Variants in KLHDC8A observed in about 807,000 individuals in gnomAD.
The protein encoded by KLHDC8A is kelch domain containing 8A.
Under a neutral mutation model 33.1 loss-of-function variants are expected in KLHDC8A, and 21 were observed. The ratio of observed to expected loss-of-function variants is 0.64; its 90% CI spans 0.45 to 0.91. The LOEUF (loss-of-function observed/expected upper bound fraction) is 0.91. Ranked by LOEUF, KLHDC8A falls within the 40% of genes least tolerant of loss-of-function variation. The probability of loss-of-function intolerance (pLI) is 0.00; values close to 1 mark genes in which losing one functional copy is unlikely to be tolerated. For missense variants in KLHDC8A, 435 were observed against 483.3 expected, an observed-to-expected ratio of 0.90 and a Z score of 0.94; for synonymous variants, 173 against 193.5, an observed-to-expected ratio of 0.89 and a Z score of 0.88.
At chr1:205,346,331 C>G (rs1203992661) in intron 1 of KLHDC8A, among the ~76,000 whole-genome samples, 1 of 152,170 alleles carries the variant, frequency 6.6e-6, no homozygotes, top group Non-Finnish European at 1.5e-5. Flanking sequence ...TTCACAAAAT[C>G]AGAACAGGTG....
chr1:205,349,582 G>A (rs570672432), intron 1 of KLHDC8A, among the ~76,000 whole-genome samples: 8 of 152,346 alleles, frequency 5.3e-5, no homozygotes, highest in Admixed American at 2.0e-4. Context: ...TGTTTAGTGC[G>A]TGCGGGAAGG....
chr1:205,353,049 C>T (rs1663162625), intron 1 of KLHDC8A, among the ~76,000 whole-genome samples: 1 of 152,182 alleles, frequency 6.6e-6, no homozygotes, highest in South Asian at 2.1e-4. Flanking sequence ...CCTTGGATGC[C>T]ATCTCCCTGC....
chr1:205,339,785 C>A lies in KLHDC8A; in HGVS notation c.400G>T (p.Gly134Trp), dbSNP rs765665935. The A allele has an allele frequency of 6.2e-7, 1 of 1,613,686 alleles. No individual in the cohort carries two copies. The highest frequency in any genetic ancestry group is 8.5e-7 in the Non-Finnish European group (1 of 1,179,890). The stretch of plus-strand genomic sequence containing the variant: ...TGTGGACGTAGGTCCAGGCCCATCC[C>A]GCCTGCCGCATATACTCGGTAATCT... ...AKDYRVYAAG[G>W]MGLDLRPHNH... The change falls in exon 3 of 6, where the codon GGG (glycine) becomes TGG (tryptophan). Residue 134 changes from glycine to tryptophan, a missense_variant. By Grantham distance (184) the Gly-to-Trp change is radical. Transcript: ENST00000367155. The surrounding 1 kb of genome is among the most constrained non-coding windows in gnomAD (Gnocchi z 5.1).
chr1:205,351,968 C>T (rs1663125453), intron 1 of KLHDC8A, among the ~76,000 whole-genome samples: 1 of 152,000 alleles, frequency 6.6e-6, no homozygotes, highest in South Asian at 2.1e-4. Flanking sequence ...CCTTCCTTGC[C>T]TCCCTCCTAA....
At chr1:205,347,828 G>A (rs1574912741) in intron 1 of KLHDC8A, among the ~76,000 whole-genome samples, 1 of 152,328 alleles carries the variant, frequency 6.6e-6, no homozygotes. Flanking sequence ...CTTTGGTGCT[G>A]TGGAGTCTTT....
At position 205,343,415 on chromosome 1, in the gene KLHDC8A, G is replaced by A. The variant is rs760238750; in HGVS notation, c.190C>T (p.Arg64Trp). ...PEADQWTALP[R>W]LPTARAGVAV... ...ACCCCCGCCCGGGCTGTGGGCAGCC[G>A]GGGCAAGGCGGTCCACTGGTCGGCC... The change falls in exon 2 of 6, where the codon CGG becomes TGG. Residue 64 changes from arginine to tryptophan, a missense_variant. Arg to Trp is a moderately radical substitution (Grantham distance 101). Transcript: ENST00000367155. 5.0e-6 allele frequency: 8 copies of A among 1,613,058 alleles called. No homozygotes were observed. Among genetic ancestry groups the A allele is most frequent in the Admixed American group, 3.3e-5 (2 of 59,988 alleles).
rs1662631355 is a variant in KLHDC8A, at chr1:205,336,428, C to T, written c.*971G>A. On this transcript the variant is annotated 3_prime_UTR_variant, in exon 6 of 6. Coordinates refer to ENST00000367155, the MANE Select transcript of KLHDC8A (RefSeq NM_018203.3). ...GTAGTCACTGGGGGCCCTATTTAGC[C>T]TGAGAATGCAGGAGGGATTGTTTTA... 6.6e-6 allele frequency: 1 copy of T among 152,654 alleles called. No individual in the cohort carries two copies. The highest frequency in any genetic ancestry group is 1.5e-5 in the Non-Finnish European group (1 of 68,076). The allele number at this position is 152,654 out of a possible 1,614,324, so 9.5% of individuals were successfully genotyped here. A position where few individuals can be genotyped will look rare whatever the true frequency, so the allele number is the denominator to read the frequency against.
At chr1:205,353,385 G>A (rs1173136763) in intron 1 of KLHDC8A, among the ~76,000 whole-genome samples, 1 of 152,212 alleles carries the variant, frequency 6.6e-6, no homozygotes, top group Non-Finnish European at 1.5e-5. Context: ...CACTACAACA[G>A]CAGAATGGAG....
Position 205,354,321 on chromosome 1 carries a change from G to A in KLHDC8A, c.-190+2212C>T, listed in dbSNP as rs1663202764. ...AGAAAACCTCTTGAATGACTCTGAT[G>A]TAACTTTAGGTACTAATTACAAATT... On this transcript the variant is annotated intron_variant, in intron 1 of 5. Coordinates refer to ENST00000367155, the MANE Select transcript of KLHDC8A (RefSeq NM_018203.3). Among the ~76,000 whole-genome samples the A allele has an allele frequency of 3.9e-5, 6 of 152,314 alleles. 1 individual carries two copies. In the South Asian group the frequency reaches 1.2e-3, roughly 32 times the overall value.
At position 205,343,247 on chromosome 1, in the gene KLHDC8A, T is replaced by C. The variant is rs979656038; in HGVS notation, c.358A>G (p.Ile120Val). Residue 120 changes from isoleucine to valine, a missense_variant, in exon 2 of 6, where the codon ATT (isoleucine) becomes GTT (valine). Transcript: ENST00000367155. ...RSMLREAAMGISVTAKDYRVY... is the reference protein window; with the variant it reads ...RSMLREAAMGVSVTAKDYRVY... Reference sequence around the variant, plus strand: ...CACTTGCCTTTGGCCGTGACAGAAATGCCCATGGCGGCCTCACGCAGCATG... The same window carrying C: ...CACTTGCCTTTGGCCGTGACAGAAACGCCCATGGCGGCCTCACGCAGCATG... 33 of 1,592,648 alleles carry C rather than the reference T, an allele frequency of 2.1e-5. No homozygotes were observed. Among genetic ancestry groups the C allele is most frequent in the Non-Finnish European group, 2.7e-5 (32 of 1,164,960 alleles).
chr1:205,350,263 C>CT (rs138791480), intron 1 of KLHDC8A, among the ~76,000 whole-genome samples: 2,697 of 152,258 alleles, frequency 0.018, 66 homozygotes, highest in African/African-American at 0.055. Context: ...CTTGTGACAG[C>CT]TGCAGCTGTG....
rs1230866279 is a variant in KLHDC8A at position 205,346,520 on chromosome 1, T to C, written c.-189-2727A>G. Among the ~76,000 whole-genome samples the C allele has an allele frequency of 2.0e-5, 3 of 152,186 alleles. No individual in the cohort carries two copies. The East Asian group carries it at 5.8e-4, about 29-fold the overall frequency. ...ATAGACAGAGCTCCACTCTGTATGT[T>C]TTATTTGTGTCACTTGTTGAGATCA... is the stretch of plus-strand genomic sequence containing the variant. On this transcript the variant is annotated intron_variant, in intron 1 of 5. Transcript: ENST00000367155.
At position 205,343,395 on chromosome 1, in the gene KLHDC8A, C is replaced by CGG; in HGVS notation, c.209_210insCC (p.Gly71ArgfsTer14). 1.2e-6 allele frequency: 2 copies of CGG among 1,613,332 alleles called. No homozygotes were observed. The highest frequency in any genetic ancestry group is 1.7e-6 in the Non-Finnish European group (2 of 1,179,802). Reference sequence around the variant, plus strand: ...TCCCCAGGGCGGTGACGGCCACCCCCGCCCGGGCTGTGGGCAGCCGGGGCA... The same window carrying CGG: ...TCCCCAGGGCGGTGACGGCCACCCCCGGGCCCGGGCTGTGGGCAGCCGGGGCA... On this transcript the variant is annotated frameshift_variant, in exon 2 of 6. Coordinates refer to ENST00000367155, the MANE Select transcript of KLHDC8A (RefSeq NM_018203.3). LOFTEE classifies it high-confidence loss of function.
Position 205,343,300 on chromosome 1 carries a change from ATGT to A in KLHDC8A, c.302_304del (p.Asn101del), listed in dbSNP as rs749973547. The A allele has an allele frequency of 1.9e-6, 3 of 1,613,198 alleles. No individual in the cohort carries two copies. Among genetic ancestry groups the A allele is most frequent in the Middle Eastern group, 3.3e-4 (2 of 6,058 alleles). ...CCTCTTCTTCCACTTGCCCTCATCG[ATGT>A]TGTACATCTCCACGACCTTCAGGGG... On this transcript the variant is annotated inframe_deletion, in exon 2 of 6. Transcript: ENST00000367155.
chr1:205,356,563 C>A lies in KLHDC8A; in HGVS notation c.-220G>T. 1 of 456,272 alleles carries A rather than the reference C, an allele frequency of 2.2e-6. No homozygotes were observed. The highest frequency in any genetic ancestry group is 1.5e-5 in the South Asian group (1 of 64,558). 28.3% of individuals were successfully genotyped at this position (456,272 alleles called of 1,614,324 possible). The stretch of plus-strand genomic sequence containing the variant: ...TGGAGGGAAAAGGATCGACACCCGG[C>A]GATCATCTGCAAAAGACAAAGAAGG... On this transcript the variant is annotated 5_prime_UTR_variant, in exon 1 of 6. Transcript: ENST00000367155.
At chr1:205,338,443 C>G in intron 5 of KLHDC8A, 52 bp downstream of exon 5, 3 of 1,379,650 alleles carry the variant, frequency 2.2e-6, no homozygotes, top group Non-Finnish European at 3.1e-6. Flanking sequence ...TGCCAAGGAT[C>G]CACTGAGCAC....
chr1:205,337,656 C>T (rs1662673461), intron 5 of KLHDC8A, 64 bp from the exon 6 acceptor site: 1 of 1,244,886 alleles, frequency 8.0e-7, no homozygotes, highest in African/African-American at 1.5e-5. Flanking sequence ...GCCCCACGGT[C>T]ACCCCACCTC....
chr1:205,338,659 A>ATC, intron 4 of KLHDC8A, 63 bp from the exon 5 acceptor site: 2 of 1,371,692 alleles, frequency 1.5e-6, no homozygotes, highest in Non-Finnish European at 2.1e-6. Flanking sequence ...CTCCCACCAA[A>ATC]TGCAGATTGT....
intron 2 of KLHDC8A, among the ~76,000 whole-genome samples, chr1:205,340,993 A>C (rs887085255): frequency 6.6e-6 from 1 of 152,242 alleles, no homozygotes; most frequent in African/African-American, 2.4e-5. Context: ...CACTTCAACT[A>C]AATGAGATAG....
Sources: gnomAD v4.1 joint callset for allele counts (sites outside exome capture counted in the v4.1 genomes callset) on GRCh38, gnomAD v4.1.1 for gene constraint, Gnocchi (gnomAD v3.1) non-coding constraint, MANE v1.5 for transcripts, NCBI Gene and HGNC (gene_info 2026-07-23, HGNC 2026-07-21) for gene names.